Variants in NAT10 observed in about 807,000 individuals in gnomAD.
NAT10 encodes RNA cytidine acetyltransferase.
Under a neutral mutation model 132.2 loss-of-function variants are expected in NAT10, and 109 were observed. The ratio of observed to expected loss-of-function variants is 0.82; its 90% confidence interval spans 0.71 to 0.97. The LOEUF (loss-of-function observed/expected upper bound fraction) is 0.97, where lower values mean the gene tolerates loss of function less well. NAT10 is among the 50% of genes least tolerant of loss of function. The probability of loss-of-function intolerance (pLI) is 0.00; values close to 1 mark genes in which losing one functional copy is unlikely to be tolerated. For missense variants in NAT10, 1,184 were observed against 1,263.4 expected (o/e 0.94, Z 0.95); for synonymous variants, 479 against 478.0 (o/e 1.00, Z -0.03).
chr11:34,140,687 T>G, intron 24 of NAT10, 115 bp downstream of exon 24: 1 of 1,221,884 alleles, frequency 8.2e-7, no homozygotes, highest in Non-Finnish European at 1.1e-6. Flanking sequence ...CTCATACATC[T>G]GATAGGTGGG....
intron 12 of NAT10, 135 bp downstream of exon 12, chr11:34,127,734 T>A (rs1444841994): frequency 2.7e-6 from 3 of 1,117,818 alleles, no homozygotes; most frequent in African/African-American, 3.2e-5. Context: ...GCTGCTTCAT[T>A]CTCTACTGGG....
intron 1 of NAT10, among the ~76,000 whole-genome samples, chr11:34,107,701 G>A (rs1349165951): frequency 6.6e-6 from 1 of 152,196 alleles, no homozygotes; most frequent in African/African-American, 2.4e-5. Context: ...GCTGAGGTGG[G>A]CAGATTGCGA....
Position 34,146,162 on chromosome 11 carries a change from AAAAGATATG to A in NAT10, c.3052_3060del (p.Asp1018_Lys1020del). The A allele has an allele frequency of 6.2e-7, 1 of 1,608,934 alleles. No individual in the cohort carries two copies. The highest frequency in any genetic ancestry group is 1.1e-5 in the South Asian group (1 of 89,614). ...TGAAGAACAGAGAGACAAAGAACAA[AAAAGATATG>A]AAACTGAAGCGGAAGAAATAGTGAA... On this transcript the variant is annotated inframe_deletion, in exon 29 of 29. Transcript: ENST00000257829.
At chr11:34,105,839 G>A (rs1028299174) in intron 1 of NAT10, 47 bp downstream of exon 1, 6 of 152,466 alleles carry the variant, frequency 3.9e-5, no homozygotes, top group African/African-American at 9.6e-5. Flanking sequence ...ATCGGTGTCT[G>A]TGTTCTTCCT....
chr11:34,129,156 C>T (rs1214625937), intron 12 of NAT10, among the ~76,000 whole-genome samples: 1 of 152,182 alleles, frequency 6.6e-6, no homozygotes, highest in Non-Finnish European at 1.5e-5. Flanking sequence ...CTTAGGGATA[C>T]ACCTAGGAGT....
At chr11:34,137,097 A>G in intron 21 of NAT10, 71 bp downstream of exon 21, 3 of 1,547,638 alleles carry the variant, frequency 1.9e-6, no homozygotes, top group South Asian at 1.1e-5. Context: ...TGTCCTTGCA[A>G]AGAGCCCTAG....
chr11:34,136,232 C>A (rs952667878), intron 19 of NAT10, among the ~76,000 whole-genome samples: 8 of 152,104 alleles, frequency 5.3e-5, no homozygotes, highest in African/African-American at 1.9e-4. Context: ...CAAGCACACA[C>A]CACCGTGCCT....
intron 1 of NAT10, among the ~76,000 whole-genome samples, 191 bp from the exon 2 acceptor site, chr11:34,108,020 C>T (rs1336235793): frequency 6.6e-6 from 1 of 152,170 alleles, no homozygotes; most frequent in Non-Finnish European, 1.5e-5. Context: ...AAGGTTTTCT[C>T]ACCTCCCAAG....
At chr11:34,112,301 CAG>C in intron 4 of NAT10, 78 bp downstream of exon 4, 4 of 1,527,904 alleles carry the variant, frequency 2.6e-6, no homozygotes, top group Non-Finnish European at 2.7e-6. Context: ...CCACTGGGAA[CAG>C]ATGTACAGTA....
rs1851775155 is a variant in NAT10 at position 34,115,878 on chromosome 11, A to G, written c.551A>G (p.Asn184Ser). Residue 184 changes from asparagine (N) to serine (S), a missense_variant, in exon 6 of 29, where the codon AAT becomes AGT. Transcript: ENST00000257829. ...CATCAGGATGTGGTGGGAAGATTTA[A>G]TGAAAGGTAATTCTATAGTTCCCCC... ...EAHQDVVGRF[N>S]ERFILSLASC... 2 of 1,614,016 alleles carry G rather than the reference A, an allele frequency of 1.2e-6. No individual in the cohort carries two copies. Among genetic ancestry groups the G allele is most frequent in the South Asian group, 1.1e-5 (1 of 91,062 alleles).
Position 34,113,734 on chromosome 11 carries a change from C to A in NAT10, c.391C>A (p.Pro131Thr). Residue 131 changes from proline to threonine, a missense_variant, in exon 5 of 29, where the codon CCA (proline) becomes ACA (threonine). Physicochemically the swap from Pro to Thr is conservative, Grantham distance 38. Transcript: ENST00000257829. ...CVLQDFEALT[P>T]NLLARTVETV... ...CTTCCAGGATTTTGAAGCCTTAACT[C>A]CAAACTTGCTGGCCAGGACTGTAGA... 1 of 1,613,386 alleles carries A rather than the reference C, an allele frequency of 6.2e-7. No individual in the cohort carries two copies. The highest frequency in any genetic ancestry group is 1.1e-5 in the South Asian group (1 of 91,042).
At chr11:34,113,991 A>G (rs1157331931) in intron 5 of NAT10, among the ~76,000 whole-genome samples, 153 bp downstream of exon 5, 1 of 152,252 alleles carries the variant, frequency 6.6e-6, no homozygotes, top group Non-Finnish European at 1.5e-5. Flanking sequence ...CTAATGAAAA[A>G]GTCACTACAG....
rs76755373 is a variant in NAT10 at position 34,123,424 on chromosome 11, C to T, written c.915-338C>T. Among the ~76,000 whole-genome samples, 91 of 152,326 alleles carry T rather than the reference C, an allele frequency of 6.0e-4. 1 individual carries two copies. The highest frequency in any genetic ancestry group is 4.0e-3 in the East Asian group (21 of 5,190). On this transcript the variant is annotated intron_variant, in intron 9 of 28. Transcript: ENST00000257829. ...CCTTGGCCTGAGCACCGATTGAGCT[C>T]CCCAGCTTCACCATTTGAAAGCGTC...
intron 6 of NAT10, among the ~76,000 whole-genome samples, chr11:34,117,817 G>A (rs1851809803): frequency 6.6e-6 from 1 of 152,024 alleles, no homozygotes; most frequent in African/African-American, 2.4e-5. Flanking sequence ...TCATATGGGG[G>A]TTGGGTTTGG....
At position 34,134,388 on chromosome 11, in the gene NAT10, G is replaced by A; in HGVS notation, c.1804G>A (p.Gly602Arg). The A allele has an allele frequency of 6.2e-7, 1 of 1,614,234 alleles. No homozygotes were observed. Among genetic ancestry groups the A allele is most frequent in the Non-Finnish European group, 8.5e-7 (1 of 1,180,046 alleles). Reference sequence around the variant, plus strand: ...TCTGTCTCGAGGCAAGAAGGCTTCAGGGGACCTGATTCCATGGACAGTGTC... The same window carrying A: ...TCTGTCTCGAGGCAAGAAGGCTTCAAGGGACCTGATTCCATGGACAGTGTC... ...NSLSRGKKAS[G>R]DLIPWTVSEQ... Residue 602 changes from glycine to arginine, a missense_variant, in exon 17 of 29, where the codon GGG becomes AGG. By Grantham distance (125) the Gly-to-Arg change is moderately radical (BLOSUM62 -2). Transcript: ENST00000257829.
At chr11:34,110,788 G>A (rs1042707659) in intron 3 of NAT10, among the ~76,000 whole-genome samples, 12 of 151,880 alleles carry the variant, frequency 7.9e-5, no homozygotes, top group African/African-American at 1.9e-4. Context: ...TAAAGTGAAG[G>A]GATTCTGCCT....
In NAT10 at chr11:34,138,359, C is replaced by T. The variant is rs531034589; in HGVS notation, c.2212-832C>T. 1.2e-4 allele frequency among the ~76,000 whole-genome samples: 18 copies of T among 152,220 alleles called. 1 individual carries two copies. The highest frequency in any genetic ancestry group is 3.6e-4 in the African/African-American group (15 of 41,536). On this transcript the variant is annotated intron_variant, in intron 21 of 28. Transcript: ENST00000257829. ...GTCTTCCCAGATGAGGGGAGTCCAT[C>T]GGCTGAGAGGGAAGTGTTGGAGGTT...
Position 34,139,452 on chromosome 11 carries a change from G to C in NAT10, c.2376G>C (p.Leu792=), listed in dbSNP as rs763005175. 2 of 1,614,138 alleles carry C rather than the reference G, an allele frequency of 1.2e-6. No homozygotes were observed. Among genetic ancestry groups the C allele is most frequent in the South Asian group, 2.2e-5 (2 of 91,066 alleles). ...QFSTFSPSLA[L]NIIQNRNMGK... The stretch of plus-strand genomic sequence containing the variant: ...GTACCTTCTCTCCTTCCCTGGCTCT[G>C]AACATCATTCAGAACAGGAACATGG... The change falls in exon 23 of 29, where the codon CTG becomes CTC. Residue 792 remains leucine, a synonymous_variant. Coordinates refer to ENST00000257829, the MANE Select transcript of NAT10 (RefSeq NM_024662.3).
chr11:34,138,862 G>A lies in NAT10; in HGVS notation c.2212-329G>A, dbSNP rs78148586. On this transcript the variant is annotated intron_variant, in intron 21 of 28. Coordinates refer to ENST00000257829, the MANE Select transcript of NAT10 (RefSeq NM_024662.3). ...GCTTAAGCCCTAATGACTGAGTTCA[G>A]CATCTACCTGAGAGGAGCACATATT... 2.6e-4 allele frequency: 72 copies of A among 280,398 alleles called. No individual in the cohort carries two copies. In the East Asian group the frequency reaches 5.0e-3, roughly 20 times the overall value. 17.4% of individuals were successfully genotyped at this position (280,398 alleles called of 1,614,324 possible).
Sources: gnomAD v4.1 joint callset for allele counts (sites outside exome capture counted in the v4.1 genomes callset) on GRCh38, gnomAD v4.1.1 for gene constraint, MANE v1.5 for transcripts, NCBI Gene and HGNC (gene_info 2026-07-23, HGNC 2026-07-21) for gene names.